ITSN1: variants seen among roughly 807,000 people sequenced by gnomAD.
ITSN1 encodes intersectin 1, also known as intersectin-1.
Under a neutral mutation model 239.8 loss-of-function variants are expected in ITSN1, and 58 were observed. That is an observed-to-expected ratio of 0.24 (90% CI 0.20 to 0.30). The LOEUF is 0.30. Among genes scored for constraint, ITSN1 ranks in the 10% least tolerant of loss-of-function variants. The pLI, the probability that ITSN1 is intolerant of heterozygous loss-of-function variation, is 1.00. For synonymous variants in ITSN1, 780 were observed against 770.8 expected (o/e 1.01, Z -0.20); for missense variants, 1,558 against 2,103.3 (o/e 0.74, Z 5.07).
chr21:33,768,935 T>G (rs1185658886), intron 11 of ITSN1, among the ~76,000 whole-genome samples: 1 of 152,238 alleles, frequency 6.6e-6, no homozygotes, highest in Non-Finnish European at 1.5e-5. Flanking sequence ...TAAAATATAT[T>G]AGAGGATTTA....
intron 29 of ITSN1, among the ~76,000 whole-genome samples, chr21:33,841,275 A>G (rs1335637618): frequency 2.0e-5 from 3 of 152,080 alleles, no homozygotes; most frequent in African/African-American, 4.8e-5. Flanking sequence ...GCTTAGGAAA[A>G]CCCTCTAAAT....
At chr21:33,760,803 C>T in intron 8 of ITSN1, among the ~76,000 whole-genome samples, 1 of 152,298 alleles carries the variant, frequency 6.6e-6, no homozygotes, top group African/African-American at 2.4e-5. Context: ...ATTGCCACAG[C>T]CTTCCATTCC....
intron 1 of ITSN1, among the ~76,000 whole-genome samples, chr21:33,717,711 A>C (rs1482209549): frequency 6.8e-6 from 1 of 147,762 alleles, no homozygotes; most frequent in African/African-American, 2.5e-5. Flanking sequence ...GCCCGCCACC[A>C]CGCCCAGCTA....
chr21:33,718,549 A>G (rs2065299853), intron 1 of ITSN1, among the ~76,000 whole-genome samples: 1 of 152,222 alleles, frequency 6.6e-6, no homozygotes, highest in Non-Finnish European at 1.5e-5. Flanking sequence ...GCCATTTTAT[A>G]TCAGGGACTT....
chr21:33,746,099 T>G (rs2067164016), intron 5 of ITSN1, among the ~76,000 whole-genome samples: 1 of 152,108 alleles, frequency 6.6e-6, no homozygotes, highest in Admixed American at 6.6e-5. Context: ...AAGCCAGGCT[T>G]AAAGATAAAA....
chr21:33,719,830 T>C (rs1203972415), intron 2 of ITSN1, among the ~76,000 whole-genome samples: 1 of 152,200 alleles, frequency 6.6e-6, no homozygotes, highest in Admixed American at 6.5e-5. Flanking sequence ...CCTAATGTTA[T>C]TAGGAAATTG....
chr21:33,868,859 TG>T (rs1982213015), intron 33 of ITSN1, among the ~76,000 whole-genome samples: 1 of 152,154 alleles, frequency 6.6e-6, no homozygotes, highest in Admixed American at 6.5e-5. Flanking sequence ...CTGTGAGGAC[TG>T]CCAGCACGCT....
Position 33,794,486 on chromosome 21 carries a change from T to C in ITSN1, c.1952+18T>C, listed in dbSNP as rs533809041. ...GCCCAAAGGTGAGTCTTCTTTGGAT[T>C]GTGGACTCATCTGGAAGGAACTTTG... is the stretch of plus-strand genomic sequence containing the variant. On this transcript the variant is annotated intron_variant, in intron 17 of 39. Transcript: ENST00000381318. 8.2e-5 allele frequency: 132 copies of C among 1,602,046 alleles called. 2 individuals are homozygous for C. The South Asian group carries it at 1.0e-3, about 13-fold the overall frequency.
At chr21:33,835,612 T>TA (rs1337687013) in intron 28 of ITSN1, among the ~76,000 whole-genome samples, 1 of 152,164 alleles carries the variant, frequency 6.6e-6, no homozygotes, top group African/African-American at 2.4e-5. Context: ...GATGCAAAGA[T>TA]ACAGCAGCAG....
At chr21:33,682,751 A>T (rs1004066800) in intron 1 of ITSN1, among the ~76,000 whole-genome samples, 1 of 151,348 alleles carries the variant, frequency 6.6e-6, no homozygotes, top group Non-Finnish European at 1.5e-5. Context: ...TGATCTCCTG[A>T]CCTCAGGTGA....
At chr21:33,717,846 C>T (rs970275701) in intron 1 of ITSN1, among the ~76,000 whole-genome samples, 12 of 151,974 alleles carry the variant, frequency 7.9e-5, no homozygotes, top group Admixed American at 6.6e-4. Context: ...GGATTACAGG[C>T]GTGAGCCACT....
chr21:33,771,377 CG>C (rs1569144052), intron 11 of ITSN1, among the ~76,000 whole-genome samples: 1 of 151,902 alleles, frequency 6.6e-6, no homozygotes, highest in Non-Finnish European at 1.5e-5. Context: ...AGGAGGATTG[CG>C]TGAGGCCAAC....
At chr21:33,679,701 T>TA (rs1349298331) in intron 1 of ITSN1, among the ~76,000 whole-genome samples, 1 of 130,662 alleles carries the variant, frequency 7.7e-6, no homozygotes, top group East Asian at 2.1e-4. Context: ...CCTTATCCTT[T>TA]TTTTTTTTTT....
rs2074189813 is a variant in ITSN1 at position 33,829,855 on chromosome 21, T to C, written c.3351+110T>C. ...TACAAACCACCCCTCACCACCTAAA[T>C]TCTGTATTTGGATAGTGAGAGATGC... On this transcript the variant is annotated intron_variant, in intron 27 of 39. Coordinates refer to ENST00000381318, the MANE Select transcript of ITSN1 (RefSeq NM_003024.3). 2.3e-6 allele frequency: 3 copies of C among 1,314,142 alleles called. No homozygotes were observed. The East Asian group carries it at 7.2e-5, about 31-fold the overall frequency. The allele number at this position is 1,314,142 out of a possible 1,614,324, so 81.4% of individuals were successfully genotyped here. A position where few individuals can be genotyped will look rare whatever the true frequency, so the allele number is the denominator to read the frequency against.
chr21:33,678,823 C>G (rs2090756499), intron 1 of ITSN1, among the ~76,000 whole-genome samples: 1 of 152,176 alleles, frequency 6.6e-6, no homozygotes, highest in African/African-American at 2.4e-5. Flanking sequence ...AAGCGATTCT[C>G]CTGCCTCAGC....
At chr21:33,788,921 C>T (rs1243498505) in intron 16 of ITSN1, among the ~76,000 whole-genome samples, 1 of 152,116 alleles carries the variant, frequency 6.6e-6, no homozygotes, top group African/African-American at 2.4e-5. Context: ...CGCTGTACTC[C>T]AGCCTGGACA....
At chr21:33,645,692 G>A (rs908146296) in intron 1 of ITSN1, among the ~76,000 whole-genome samples, 4 of 152,062 alleles carry the variant, frequency 2.6e-5, no homozygotes, top group African/African-American at 9.7e-5. Flanking sequence ...AAATAAATAC[G>A]GGTTTCTGTC....
chr21:33,720,465 C>T (rs957469892), intron 2 of ITSN1, among the ~76,000 whole-genome samples: 1 of 152,118 alleles, frequency 6.6e-6, no homozygotes, highest in South Asian at 2.1e-4. Context: ...AGATCTCAGT[C>T]GTGAGTGGAC....
intron 1 of ITSN1, among the ~76,000 whole-genome samples, chr21:33,670,737 C>G (rs983737144): frequency 6.6e-6 from 1 of 152,186 alleles, no homozygotes; most frequent in African/African-American, 2.4e-5. Flanking sequence ...AACATACTAA[C>G]ATGATAATAG....
Sources: gnomAD v4.1 joint callset for allele counts (sites outside exome capture counted in the v4.1 genomes callset) on GRCh38, gnomAD v4.1.1 for gene constraint, MANE v1.5 for transcripts, NCBI Gene and HGNC (gene_info 2026-07-23, HGNC 2026-07-21) for gene names.